Variants in XPO4 observed in about 807,000 individuals in gnomAD.
XPO4 encodes the protein exportin-4.
A neutral mutation model predicts 143.0 loss-of-function variants in XPO4; 39 were observed. The observed-to-expected ratio is 0.27, with a 90% CI of 0.21 to 0.36. The LOEUF is 0.36. Among genes scored for constraint, XPO4 ranks in the 10% least tolerant of loss-of-function variants. XPO4 has a pLI of 1.00. For synonymous variants in XPO4, 439 were observed against 474.0 expected (o/e 0.93, Z 0.96); for missense variants, 907 against 1,348.0 (o/e 0.67, Z 5.12).
Position 20,798,818 on chromosome 13 carries a change from G to A in XPO4, c.2322+347C>T, listed in dbSNP as rs534478893. ...GCAGATTGCTTGAGGCCAGGAGTTC[G>A]AGACCAGCCTGGCCAACATGGCAAA... On this transcript the variant is annotated intron_variant, in intron 16 of 22. Coordinates refer to ENST00000255305, the MANE Select transcript of XPO4 (RefSeq NM_022459.5). Among the ~76,000 whole-genome samples the A allele has an allele frequency of 3.3e-5, 5 of 152,054 alleles. No homozygotes were observed. The East Asian group carries it at 5.8e-4, about 18-fold the overall frequency.
intron 4 of XPO4, among the ~76,000 whole-genome samples, chr13:20,845,179 A>T (rs182397397): frequency 1.4e-3 from 219 of 152,358 alleles, no homozygotes; most frequent in African/African-American, 5.1e-3. Context: ...CTCAAAGAAA[A>T]AAGAGTAAAC....
At chr13:20,877,670 C>T (rs1231805493) in intron 1 of XPO4, among the ~76,000 whole-genome samples, 1 of 152,158 alleles carries the variant, frequency 6.6e-6, no homozygotes, top group Non-Finnish European at 1.5e-5. Context: ...AAAAACTAAA[C>T]CTATCTTTTT....
At chr13:20,788,308 C>T (rs920414165) in intron 20 of XPO4, among the ~76,000 whole-genome samples, 178 bp downstream of exon 20, 3 of 152,138 alleles carry the variant, frequency 2.0e-5, no homozygotes, top group African/African-American at 4.8e-5. Flanking sequence ...CCACCCGCCT[C>T]GGCCTCCCAA....
chr13:20,852,878 A>G lies in XPO4; in HGVS notation c.456+2749T>C, dbSNP rs1309717498. On this transcript the variant is annotated intron_variant, in intron 4 of 22. Coordinates refer to ENST00000255305, the MANE Select transcript of XPO4 (RefSeq NM_022459.5). Reference sequence around the variant, plus strand: ...ATAAATTGTTAATATTTATAAATACAAATAGCACACTTAACCACAGTGGGA... The same window carrying G: ...ATAAATTGTTAATATTTATAAATACGAATAGCACACTTAACCACAGTGGGA... 4 of 985,232 alleles carry G rather than the reference A, an allele frequency of 4.1e-6. No individual in the cohort carries two copies. The Admixed American group carries it at 2.5e-4, about 61-fold the overall frequency. 61.0% of individuals were successfully genotyped at this position (985,232 alleles called of 1,614,324 possible). A position where few individuals can be genotyped will look rare whatever the true frequency, so the allele number is the denominator to read the frequency against.
At chr13:20,858,918 GTGTGTATA>G (rs2138111249) in intron 3 of XPO4, among the ~76,000 whole-genome samples, 1 of 35,268 alleles carries the variant, frequency 2.8e-5, no homozygotes, top group East Asian at 7.6e-4. Context: ...ATATATGTGT[GTGTGTATA>G]TATATATATA....
In XPO4 at chr13:20,782,609, T is replaced by C. The variant is rs190522799; in HGVS notation, c.*1113A>G. The C allele has an allele frequency of 2.6e-5, 4 of 152,718 alleles. No homozygotes were observed. Among genetic ancestry groups the C allele is most frequent in the Admixed American group, 1.3e-4 (2 of 15,292 alleles). 9.5% of individuals were successfully genotyped at this position (152,718 alleles called of 1,614,324 possible). On this transcript the variant is annotated 3_prime_UTR_variant, in exon 23 of 23. Coordinates refer to ENST00000255305, the MANE Select transcript of XPO4 (RefSeq NM_022459.5). Reference sequence around the variant, plus strand: ...AAATAATTATTGCTTAAGCAAGCCATTTAGAGTAGATATGGGCTATGTGGC... The same window carrying C: ...AAATAATTATTGCTTAAGCAAGCCACTTAGAGTAGATATGGGCTATGTGGC...
chr13:20,839,572 C>G (rs954450275), intron 6 of XPO4, among the ~76,000 whole-genome samples: 1 of 152,068 alleles, frequency 6.6e-6, no homozygotes, highest in Non-Finnish European at 1.5e-5. Context: ...CATGGTGGCT[C>G]ATGCCTGTAA....
At chr13:20,857,983 CCT>C (rs1486186376) in intron 3 of XPO4, 15 of 984,548 alleles carry the variant, frequency 1.5e-5, no homozygotes, top group Non-Finnish European at 6.0e-6. Context: ...TACTACATAG[CCT>C]ATAGTATTCT....
In XPO4 at chr13:20,778,120, C is replaced by A. The variant is rs2141451848; in HGVS notation, c.*5602G>T. On this transcript the variant is annotated 3_prime_UTR_variant, in exon 23 of 23. Coordinates refer to ENST00000255305, the MANE Select transcript of XPO4 (RefSeq NM_022459.5). ...TTTTGGAGAGCACCATTAAAGATGT[C>A]TTTTAAAAAACAGTTATAGATGTGT... The A allele has an allele frequency of 6.6e-6, 1 of 152,248 alleles. No individual in the cohort carries two copies. Among genetic ancestry groups the A allele is most frequent in the South Asian group, 2.1e-4 (1 of 4,814 alleles). 9.4% of individuals were successfully genotyped at this position (152,248 alleles called of 1,614,324 possible).
At chr13:20,825,432 C>T (rs942056933) in intron 7 of XPO4, among the ~76,000 whole-genome samples, 1 of 152,142 alleles carries the variant, frequency 6.6e-6, no homozygotes, top group Non-Finnish European at 1.5e-5. Context: ...ATTTTTAAAA[C>T]AAGTAACAAA....
chr13:20,846,604 A>G (rs781066627), intron 4 of XPO4, among the ~76,000 whole-genome samples: 4 of 152,232 alleles, frequency 2.6e-5, no homozygotes, highest in Non-Finnish European at 4.4e-5. Context: ...CTGAACACGT[A>G]AGAATCTTTC....
chr13:20,893,666 G>C (rs1490909687), intron 1 of XPO4, among the ~76,000 whole-genome samples: 1 of 151,658 alleles, frequency 6.6e-6, no homozygotes, highest in Non-Finnish European at 1.5e-5. Flanking sequence ...CAAGTCAGGA[G>C]AATTGCTTGA....
chr13:20,894,800 C>T (rs145582798), intron 1 of XPO4, among the ~76,000 whole-genome samples: 1,896 of 150,008 alleles, frequency 0.013, 38 homozygotes, highest in African/African-American at 0.043. Context: ...GCCGAGATGG[C>T]GCCATTGCAC....
At chr13:20,845,961 A>C (rs1229974931) in intron 4 of XPO4, among the ~76,000 whole-genome samples, 1 of 152,202 alleles carries the variant, frequency 6.6e-6, no homozygotes, top group African/African-American at 2.4e-5. Context: ...AAACACATCT[A>C]AATGTTTGAG....
chr13:20,824,097 G>A (rs1482535084), intron 7 of XPO4, among the ~76,000 whole-genome samples: 6 of 152,124 alleles, frequency 3.9e-5, no homozygotes, highest in Non-Finnish European at 8.8e-5. Flanking sequence ...TTACTATCTG[G>A]CCCTATACAA....
At chr13:20,828,771 C>T (rs1232078951) in intron 6 of XPO4, among the ~76,000 whole-genome samples, 3 of 151,904 alleles carry the variant, frequency 2.0e-5, no homozygotes, top group Admixed American at 6.6e-5. Flanking sequence ...GAAAGAAGCC[C>T]GAATTTAAAA....
chr13:20,808,701 A>G (rs896568517), intron 11 of XPO4, 120 bp from the exon 12 acceptor site: 1 of 810,574 alleles, frequency 1.2e-6, no homozygotes, highest in Non-Finnish European at 1.8e-6. Context: ...CATATACAAA[A>G]ACATTATAGT....
At chr13:20,805,552 A>T (rs1164032854) in intron 13 of XPO4, among the ~76,000 whole-genome samples, 1 of 152,044 alleles carries the variant, frequency 6.6e-6, no homozygotes, top group Non-Finnish European at 1.5e-5. Context: ...GGCCTCCCTT[A>T]CCAACCTCAC....
chr13:20,889,647 A>G (rs1297396700), intron 1 of XPO4, among the ~76,000 whole-genome samples: 1 of 152,200 alleles, frequency 6.6e-6, no homozygotes, highest in African/African-American at 2.4e-5. Flanking sequence ...ATGAACGAAC[A>G]TACTTCCAAG....
Sources: allele counts gnomAD v4.1 joint callset (sites outside exome capture counted in the v4.1 genomes callset), GRCh38; gene constraint gnomAD v4.1.1; transcripts MANE v1.5; gene names NCBI Gene and HGNC (gene_info 2026-07-23, HGNC 2026-07-21).